HRH2: variants seen among roughly 807,000 people sequenced by gnomAD.
The protein encoded by HRH2 is histamine receptor H2.
HRH2 carries 4 observed loss-of-function variants against 20.1 expected under a neutral mutation model. The observed-to-expected ratio is 0.20, with a 90% CI of 0.10 to 0.45. The LOEUF is 0.45. HRH2 is among the 20% of genes least tolerant of loss of function. HRH2 has a pLI of 0.99. For synonymous variants in HRH2, 197 were observed against 200.7 expected (o/e 0.98, Z 0.16); for missense variants, 250 against 461.6 (o/e 0.54, Z 4.20).
chr5:175,669,830 A>G (rs1755459161), intron 1 of HRH2, among the ~76,000 whole-genome samples: 1 of 152,244 alleles, frequency 6.6e-6, no homozygotes, highest in African/African-American at 2.4e-5. Context: ...TTATGTTCAC[A>G]TCAGGATCCA....
At chr5:175,674,229 C>G (rs1755677094) in intron 1 of HRH2, among the ~76,000 whole-genome samples, 1 of 152,150 alleles carries the variant, frequency 6.6e-6, no homozygotes, top group African/African-American at 2.4e-5. Context: ...CAGGGGGGGT[C>G]TGGGGATATG....
At position 175,706,773 on chromosome 5, in the gene HRH2, T is replaced by G. The variant is rs552659628; in HGVS notation, c.1077-1006T>G. Among the ~76,000 whole-genome samples, 20 of 152,324 alleles carry G rather than the reference T, an allele frequency of 1.3e-4. 1 individual carries two copies. The highest frequency in any genetic ancestry group is 4.6e-4 in the African/African-American group (19 of 41,566). ...GCCCTCACATGGAAGGAAGCGCAGA[T>G]GTCAGCTATGTCCTTGTTCACAAAG... On this transcript the variant is annotated intron_variant, in intron 2 of 2. Coordinates refer to ENST00000636584, the MANE Select transcript of HRH2 (RefSeq NM_001367711.1).
intron 1 of HRH2, among the ~76,000 whole-genome samples, chr5:175,662,704 A>T (rs1762773838): frequency 6.6e-6 from 1 of 152,188 alleles, no homozygotes; most frequent in South Asian, 2.1e-4. Context: ...TCACCAATTC[A>T]AATGACAAGT....
chr5:175,662,676 A>AT (rs1440700284), intron 1 of HRH2, among the ~76,000 whole-genome samples: 1 of 152,180 alleles, frequency 6.6e-6, no homozygotes, highest in African/African-American at 2.4e-5. Context: ...TAGAGACATA[A>AT]TTCATATACT....
intron 2 of HRH2, among the ~76,000 whole-genome samples, chr5:175,688,952 GC>G (rs968652646): frequency 1.3e-5 from 2 of 152,156 alleles, no homozygotes; most frequent in Non-Finnish European, 2.9e-5. Context: ...CAGTCTCCGG[GC>G]GTGGCCCTTC....
intron 2 of HRH2, among the ~76,000 whole-genome samples, chr5:175,699,229 G>A (rs984627527): frequency 2.0e-5 from 3 of 152,194 alleles, no homozygotes; most frequent in African/African-American, 7.2e-5. Context: ...CACTGTGATT[G>A]GTCTCCAGGT....
chr5:175,670,745 C>T (rs1755504123), intron 1 of HRH2, among the ~76,000 whole-genome samples: 1 of 152,218 alleles, frequency 6.6e-6, no homozygotes. Context: ...GGAGAGTCTA[C>T]ATGATTAATC....
chr5:175,687,474 T>C lies in HRH2; in HGVS notation c.1076+3165T>C, dbSNP rs1312892904. ...TCGGCCAAGGGGTGACTCCAGAAGA[T>C]AGAGTGGCCAAGCTGGCTGGTCCTC... On this transcript the variant is annotated intron_variant, in intron 2 of 2. Coordinates refer to ENST00000636584, the MANE Select transcript of HRH2 (RefSeq NM_001367711.1). This position sits in a 1 kb window ranked among gnomAD's most constrained non-coding sequence, Gnocchi z 5.2. 6.6e-6 allele frequency among the ~76,000 whole-genome samples: 1 copy of C among 152,092 alleles called. No individual in the cohort carries two copies. The highest frequency in any genetic ancestry group is 2.4e-5 in the African/African-American group (1 of 41,432).
Position 175,677,908 on chromosome 5 carries a change from C to T in HRH2, c.-525-4801C>T, listed in dbSNP as rs372970194. ...GAACTTCCCCTCCACCTGCCGGAGG[C>T]GTCTCAGGGTTCTTGGGCTACAACC... On this transcript the variant is annotated intron_variant, in intron 1 of 2. Transcript: ENST00000636584. The surrounding 1 kb of genome is among the most constrained non-coding windows in gnomAD (Gnocchi z 4.2). 3.1e-4 allele frequency among the ~76,000 whole-genome samples: 47 copies of T among 152,298 alleles called. No homozygotes were observed. Among genetic ancestry groups the T allele is most frequent in the African/African-American group, 1.0e-3 (43 of 41,578 alleles).
chr5:175,673,190 C>T (rs1030385060), intron 1 of HRH2, among the ~76,000 whole-genome samples: 4 of 151,942 alleles, frequency 2.6e-5, no homozygotes, highest in Non-Finnish European at 5.9e-5. Flanking sequence ...GGTGATGGCT[C>T]GAACTAGGAC....
At chr5:175,676,983 CCTTTT>C (rs1264336872) in intron 1 of HRH2, among the ~76,000 whole-genome samples, 3 of 151,928 alleles carry the variant, frequency 2.0e-5, no homozygotes, top group Non-Finnish European at 4.4e-5. Flanking sequence ...TTTCTTTTTT[CCTTTT>C]CTTTTCTTTC....
In HRH2 at chr5:175,693,707, G is replaced by T. The variant is rs1756461251; in HGVS notation, c.1076+9398G>T. On this transcript the variant is annotated intron_variant, in intron 2 of 2. Transcript: ENST00000636584. This position sits in a 1 kb window ranked among gnomAD's most constrained non-coding sequence, Gnocchi z 4.4. ...GTTGCCATCCTTCCTATTCCCTGAA[G>T]TCACAGCTCTGTGCTCCCTTCCCAT... Among the ~76,000 whole-genome samples, 1 of 152,190 alleles carries T rather than the reference G, an allele frequency of 6.6e-6. No homozygotes were observed. The highest frequency in any genetic ancestry group is 1.5e-5 in the Non-Finnish European group (1 of 68,028).
chr5:175,668,858 A>G (rs1755412556), intron 1 of HRH2, among the ~76,000 whole-genome samples: 1 of 152,130 alleles, frequency 6.6e-6, no homozygotes, highest in Non-Finnish European at 1.5e-5. Flanking sequence ...AGCAGGGGAG[A>G]GGGGAGCTCC....
chr5:175,709,443 A>G lies in HRH2; in HGVS notation c.*1472A>G, dbSNP rs1241224836. ...GGCTCCTTCCGGGAGCTTGAGACCCACTGCCGCCTCCGCAACACCTCCACC... is the reference window on the plus strand; with the variant it reads ...GGCTCCTTCCGGGAGCTTGAGACCCGCTGCCGCCTCCGCAACACCTCCACC... On this transcript the variant is annotated 3_prime_UTR_variant, in exon 3 of 3. Transcript: ENST00000636584. The G allele has an allele frequency of 6.6e-6, 1 of 152,146 alleles. No individual in the cohort carries two copies. Among genetic ancestry groups the G allele is most frequent in the Non-Finnish European group, 1.5e-5 (1 of 68,024 alleles). The allele number at this position is 152,146 out of a possible 1,614,324, so 9.4% of individuals were successfully genotyped here.
chr5:175,696,434 T>C (rs962660714), intron 2 of HRH2, among the ~76,000 whole-genome samples: 2 of 152,130 alleles, frequency 1.3e-5, no homozygotes, highest in Admixed American at 1.3e-4. Context: ...TTCTCAAGGC[T>C]CCACAACTCA....
chr5:175,699,561 G>A (rs542763629), intron 2 of HRH2, among the ~76,000 whole-genome samples: 49 of 135,998 alleles, frequency 3.6e-4, no homozygotes, highest in African/African-American at 1.7e-3. Flanking sequence ...CTCTGCTGTC[G>A]GTTGTTTTTG....
At chr5:175,659,029 G>A (rs995083948) in intron 1 of HRH2, among the ~76,000 whole-genome samples, 1 of 152,162 alleles carries the variant, frequency 6.6e-6, no homozygotes, top group African/African-American at 2.4e-5. Flanking sequence ...TGCCTCTTGG[G>A]AAGTCATTTG....
At chr5:175,669,757 T>C (rs1755456494) in intron 1 of HRH2, among the ~76,000 whole-genome samples, 1 of 152,214 alleles carries the variant, frequency 6.6e-6, no homozygotes, top group African/African-American at 2.4e-5. Context: ...TTCCTTAACA[T>C]AACCTAACAC....
intron 1 of HRH2, among the ~76,000 whole-genome samples, chr5:175,667,222 TC>T (rs1353711938): frequency 6.6e-6 from 1 of 152,080 alleles, no homozygotes; most frequent in South Asian, 2.1e-4. Flanking sequence ...GGCAGGCAGA[TC>T]ACCTGAGGTC....
Sources: gnomAD v4.1 joint callset for allele counts (sites outside exome capture counted in the v4.1 genomes callset) on GRCh38, gnomAD v4.1.1 for gene constraint, Gnocchi (gnomAD v3.1) non-coding constraint, MANE v1.5 for transcripts, NCBI Gene and HGNC (gene_info 2026-07-23, HGNC 2026-07-21) for gene names.